ST6GALNAC5: variants seen among roughly 807,000 people sequenced by gnomAD.
The protein encoded by ST6GALNAC5 is ST6 N-acetylgalactosaminide alpha-2,6-sialyltransferase 5.
In ST6GALNAC5, 27 loss-of-function variants were observed where a neutral mutation model predicts 33.6. The observed-to-expected ratio is 0.80, with a 90% confidence interval of 0.59 to 1.11. The LOEUF is 1.11. Ranked by LOEUF, ST6GALNAC5 falls within the 50% of genes least tolerant of loss-of-function variation. The probability of loss-of-function intolerance (pLI) is 0.00; values close to 1 mark genes in which losing one functional copy is unlikely to be tolerated. For missense variants in ST6GALNAC5, 428 were observed against 454.0 expected (o/e 0.94, Z 0.52); for synonymous variants, 194 against 171.2 (o/e 1.13, Z -1.04).
At chr1:76,910,575 A>T (rs958256606) in intron 2 of ST6GALNAC5, among the ~76,000 whole-genome samples, 3 of 152,088 alleles carry the variant, frequency 2.0e-5, no homozygotes, top group Admixed American at 2.0e-4. Context: ...ATGACTGCTC[A>T]AACACTTATA....
intron 2 of ST6GALNAC5, among the ~76,000 whole-genome samples, chr1:76,992,368 G>A (rs113330760): frequency 0.016 from 2,460 of 152,288 alleles, 67 homozygotes; most frequent in African/African-American, 0.057. Flanking sequence ...TAGGTTCTCA[G>A]TGTCTTCCTC....
At chr1:76,936,136 C>T (rs1007174017) in intron 2 of ST6GALNAC5, among the ~76,000 whole-genome samples, 1 of 152,052 alleles carries the variant, frequency 6.6e-6, no homozygotes, top group African/African-American at 2.4e-5. Context: ...GCTAACATAA[C>T]AGGCAATAGA....
intron 2 of ST6GALNAC5, among the ~76,000 whole-genome samples, chr1:76,908,402 C>T (rs74092216): frequency 0.024 from 3,712 of 152,154 alleles, 162 homozygotes; most frequent in African/African-American, 0.086. Context: ...ATCCCATTCA[C>T]GAGGACTCTG....
chr1:76,871,283 T>C (rs1653497581), intron 2 of ST6GALNAC5: 1 of 152,192 alleles, frequency 6.6e-6, no homozygotes, highest in Non-Finnish European at 1.5e-5. Flanking sequence ...AGGAAAATGA[T>C]GGAATATGCT....
At chr1:76,877,914 G>T (rs926230317) in intron 2 of ST6GALNAC5, among the ~76,000 whole-genome samples, 1 of 152,228 alleles carries the variant, frequency 6.6e-6, no homozygotes, top group Admixed American at 6.5e-5. Flanking sequence ...GGCATTTGCC[G>T]AATCAATGGC....
chr1:76,971,912 T>C (rs760935870), intron 2 of ST6GALNAC5, among the ~76,000 whole-genome samples: 1 of 152,214 alleles, frequency 6.6e-6, no homozygotes, highest in Admixed American at 6.5e-5. Context: ...GAAAAGTCCT[T>C]TTCCTGCTTT....
At chr1:76,919,430 C>G (rs187019682) in intron 2 of ST6GALNAC5, among the ~76,000 whole-genome samples, 1 of 152,088 alleles carries the variant, frequency 6.6e-6, no homozygotes, top group Non-Finnish European at 1.5e-5. Flanking sequence ...CACCTTCTTC[C>G]CTTAATGGGT....
In ST6GALNAC5 at chr1:76,868,026, A is replaced by G. The variant is rs150320829; in HGVS notation, c.15+336A>G. Among the ~76,000 whole-genome samples the G allele has an allele frequency of 4.6e-3, 704 of 152,180 alleles. 4 individuals carry two copies. The highest frequency in any genetic ancestry group is 0.016 in the African/African-American group (666 of 41,528). On this transcript the variant is annotated intron_variant, in intron 1 of 4. Transcript: ENST00000477717. This position sits in a 1 kb window ranked among gnomAD's most constrained non-coding sequence, Gnocchi z 4.3. ...CAAAAGCAACAGCCTGCCAAAAACT[A>G]AGAGGGACGGGGAGGGGGGACCTTT...
intron 2 of ST6GALNAC5, among the ~76,000 whole-genome samples, chr1:76,964,851 T>C (rs1228217500): frequency 2.0e-5 from 3 of 152,128 alleles, no homozygotes; most frequent in African/African-American, 7.2e-5. Flanking sequence ...AATGAGAACA[T>C]GTGGTGTTTG....
chr1:77,045,437 A>G (rs1651975895), intron 3 of ST6GALNAC5, among the ~76,000 whole-genome samples: 1 of 152,230 alleles, frequency 6.6e-6, no homozygotes, highest in African/African-American at 2.4e-5. Flanking sequence ...ATTAGTGGTG[A>G]TGGTTGCACA....
chr1:77,035,457 G>T (rs1303588668), intron 2 of ST6GALNAC5, among the ~76,000 whole-genome samples: 1 of 152,090 alleles, frequency 6.6e-6, no homozygotes, highest in Non-Finnish European at 1.5e-5. Flanking sequence ...GTATAGAGAG[G>T]TACCCAAATT....
intron 2 of ST6GALNAC5, among the ~76,000 whole-genome samples, chr1:76,913,945 C>T (rs1384076695): frequency 1.3e-5 from 2 of 152,258 alleles, no homozygotes; most frequent in East Asian, 3.9e-4. Flanking sequence ...TAGAAAACCC[C>T]ATTGTCTCAG....
At chr1:76,917,595 T>A (rs905158927) in intron 2 of ST6GALNAC5, among the ~76,000 whole-genome samples, 7 of 151,808 alleles carry the variant, frequency 4.6e-5, no homozygotes, top group African/African-American at 7.3e-5. Context: ...GGTATAGTAG[T>A]GTATTAGGGT....
chr1:76,867,719 C>A lies in ST6GALNAC5; in HGVS notation c.15+29C>A, dbSNP rs746771336. 3 of 1,614,022 alleles carry A rather than the reference C, an allele frequency of 1.9e-6. No individual in the cohort carries two copies. In the South Asian group the frequency reaches 3.3e-5, roughly 18 times the overall value. Reference sequence around the variant, plus strand: ...AGTCAGTTGTGGCAACTCCACCGGGCAAAGAGGGGGATCCCCGGGCTCAGG... The same window carrying A: ...AGTCAGTTGTGGCAACTCCACCGGGAAAAGAGGGGGATCCCCGGGCTCAGG... On this transcript the variant is annotated intron_variant, in intron 1 of 4. Transcript: ENST00000477717.
chr1:76,958,014 G>A (rs1274561790), intron 2 of ST6GALNAC5, among the ~76,000 whole-genome samples: 1 of 152,004 alleles, frequency 6.6e-6, no homozygotes, highest in East Asian at 1.9e-4. Flanking sequence ...CATATTCTGG[G>A]TTTGTCTGAT....
intron 2 of ST6GALNAC5, among the ~76,000 whole-genome samples, chr1:76,881,616 T>C (rs921629498): frequency 2.6e-5 from 4 of 152,196 alleles, no homozygotes; most frequent in African/African-American, 9.7e-5. Context: ...ACATAATGCC[T>C]GGCATATAAT....
chr1:76,888,117 G>T (rs774406037), intron 2 of ST6GALNAC5, among the ~76,000 whole-genome samples: 32 of 152,218 alleles, frequency 2.1e-4, no homozygotes, highest in Non-Finnish European at 4.1e-4. Context: ...TAGGATTATA[G>T]ATCATGCTGT....
intron 2 of ST6GALNAC5, among the ~76,000 whole-genome samples, chr1:77,007,837 T>G (rs370486134): frequency 6.6e-6 from 1 of 152,232 alleles, no homozygotes; most frequent in African/African-American, 2.4e-5. Context: ...GATTCGCTTC[T>G]CACTTCCTTT....
chr1:77,031,911 T>C (rs1052746094), intron 2 of ST6GALNAC5, among the ~76,000 whole-genome samples: 5 of 152,168 alleles, frequency 3.3e-5, no homozygotes, highest in Non-Finnish European at 5.9e-5. Flanking sequence ...ATTGTCAATA[T>C]GATGAGAATT....
Sources: gnomAD v4.1 joint callset for allele counts (sites outside exome capture counted in the v4.1 genomes callset) on GRCh38, gnomAD v4.1.1 for gene constraint, Gnocchi (gnomAD v3.1) non-coding constraint, MANE v1.5 for transcripts, NCBI Gene and HGNC (gene_info 2026-07-23, HGNC 2026-07-21) for gene names.